The following DLGAP2 variants were observed in gnomAD, a reference collection of about 807,000 sequenced individuals.
DLGAP2 encodes the protein disks large-associated protein 2.
A neutral mutation model predicts 100.3 loss-of-function variants in DLGAP2; 26 were observed. The observed-to-expected ratio is 0.26, with a 90% CI of 0.19 to 0.36. DLGAP2 has a LOEUF of 0.36. Ranked by LOEUF, DLGAP2 falls within the 10% of genes least tolerant of loss-of-function variation. The probability of loss-of-function intolerance (pLI) is 1.00; values close to 1 mark genes in which losing one functional copy is unlikely to be tolerated. For synonymous variants in DLGAP2, 886 were observed against 630.1 expected, an observed-to-expected ratio of 1.41 and a Z score of -6.08; for missense variants, 1,858 against 1,453.2, an observed-to-expected ratio of 1.28 and a Z score of -4.53.
intron 2 of DLGAP2, among the ~76,000 whole-genome samples, chr8:1,185,889 C>G (rs990132462): frequency 2.0e-5 from 3 of 152,162 alleles, no homozygotes; most frequent in African/African-American, 4.8e-5. Context: ...AGAGAACACT[C>G]CGGAACTGAG....
At chr8:1,484,164 C>T (rs1799180462) in intron 3 of DLGAP2, among the ~76,000 whole-genome samples, 1 of 152,182 alleles carries the variant, frequency 6.6e-6, no homozygotes. Context: ...CTCCAGGTGC[C>T]AAGGCCACAG....
chr8:1,198,197 G>C (rs1423645558), intron 2 of DLGAP2, among the ~76,000 whole-genome samples: 1 of 152,084 alleles, frequency 6.6e-6, no homozygotes, highest in Non-Finnish European at 1.5e-5. Context: ...CGGCGAAAAG[G>C]AGCAATTTCC....
chr8:1,269,666 A>G (rs1381230841), intron 3 of DLGAP2, among the ~76,000 whole-genome samples: 2 of 152,152 alleles, frequency 1.3e-5, no homozygotes, highest in African/African-American at 4.8e-5. Flanking sequence ...TGACCTTGGA[A>G]GGAAAACACC....
chr8:1,015,129 G>A (rs1466580248), intron 2 of DLGAP2, among the ~76,000 whole-genome samples: 2 of 15,552 alleles, frequency 1.3e-4, no homozygotes, highest in East Asian at 1.8e-3. Context: ...CAGGACAGAC[G>A]ATGCCTCCAC....
chr8:1,334,243 G>A (rs34523986), intron 3 of DLGAP2, among the ~76,000 whole-genome samples: 24,267 of 152,202 alleles, frequency 0.16, 2,016 homozygotes, highest in Admixed American at 0.19. Flanking sequence ...CACCTGAGCT[G>A]GTTAAGCTGA....
rs1798244147 is a variant in DLGAP2, at chr8:1,217,880, T to C, written c.74-40971T>C. ...AGTGATGTTTAGGATTTTTAAAATA[T>C]GCTTGTTGCTTGCATGTATGTCTTC... On this transcript the variant is annotated intron_variant, in intron 2 of 14. Transcript: ENST00000637795. Among the ~76,000 whole-genome samples, 3 of 152,222 alleles carry C rather than the reference T, an allele frequency of 2.0e-5. No individual in the cohort carries two copies. In the South Asian group the frequency reaches 6.2e-4, roughly 31 times the overall value.
At chr8:1,277,176 A>G (rs1799715010) in intron 3 of DLGAP2, among the ~76,000 whole-genome samples, 1 of 152,212 alleles carries the variant, frequency 6.6e-6, no homozygotes, top group South Asian at 2.1e-4. Context: ...ATAGTGTTTC[A>G]TTCAAAGTGT....
At chr8:1,473,323 T>A (rs1798850054) in intron 3 of DLGAP2, among the ~76,000 whole-genome samples, 1 of 152,138 alleles carries the variant, frequency 6.6e-6, no homozygotes, top group Non-Finnish European at 1.5e-5. Context: ...AGAAGAAGGT[T>A]CCTCCGCCCA....
rs1799573396 is a variant in DLGAP2, at chr8:1,701,587, G to T, written c.*181G>T. On this transcript the variant is annotated 3_prime_UTR_variant, in exon 15 of 15. Transcript: ENST00000637795. ...CCTCAGAGTCCACGGAGCTCGCGGCGAGGACGACTTCTGCTTTTGTTGTTG... is the reference window on the plus strand; with the variant it reads ...CCTCAGAGTCCACGGAGCTCGCGGCTAGGACGACTTCTGCTTTTGTTGTTG... 1.5e-6 allele frequency: 1 copy of T among 650,330 alleles called. No individual in the cohort carries two copies. Among genetic ancestry groups the T allele is most frequent in the Non-Finnish European group, 2.6e-6 (1 of 389,574 alleles). 40.3% of individuals were successfully genotyped at this position (650,330 alleles called of 1,614,324 possible). A position where few individuals can be genotyped will look rare whatever the true frequency, so the allele number is the denominator to read the frequency against.
At chr8:879,003 T>G (rs1296603736) in intron 1 of DLGAP2, among the ~76,000 whole-genome samples, 1 of 152,258 alleles carries the variant, frequency 6.6e-6, no homozygotes, top group East Asian at 1.9e-4. Flanking sequence ...TACTCTGGTC[T>G]GGGCTCAATG....
chr8:1,085,700 G>A (rs1013588528), intron 2 of DLGAP2, among the ~76,000 whole-genome samples: 1 of 152,170 alleles, frequency 6.6e-6, no homozygotes, highest in African/African-American at 2.4e-5. Context: ...ATCAGGCAAT[G>A]TGATTCCTCT....
intron 2 of DLGAP2, among the ~76,000 whole-genome samples, chr8:1,040,413 T>C (rs1470777557): frequency 2.0e-5 from 3 of 149,436 alleles, no homozygotes; most frequent in Non-Finnish European, 4.4e-5. Flanking sequence ...GTCGGCTCGG[T>C]GTGCGTGGTC....
At chr8:1,262,100 T>G (rs1799362734) in intron 3 of DLGAP2, among the ~76,000 whole-genome samples, 1 of 152,190 alleles carries the variant, frequency 6.6e-6, no homozygotes, top group South Asian at 2.1e-4. Context: ...GAGAGCTACT[T>G]CTTTGGATAC....
rs914977422 is a variant in DLGAP2 at position 907,311 on chromosome 8, G to C, written c.19-601G>C. Among the ~76,000 whole-genome samples, 4 of 152,182 alleles carry C rather than the reference G, an allele frequency of 2.6e-5. No homozygotes were observed. In the South Asian group the frequency reaches 8.3e-4, roughly 32 times the overall value. On this transcript the variant is annotated intron_variant, in intron 1 of 14. Transcript: ENST00000637795. Reference sequence around the variant, plus strand: ...GACATCTCTTCAGCTGCACGTTACCGGAGTGTGTGCTTTGCAATTTGTTTT... The same window carrying C: ...GACATCTCTTCAGCTGCACGTTACCCGAGTGTGTGCTTTGCAATTTGTTTT...
intron 2 of DLGAP2, among the ~76,000 whole-genome samples, chr8:1,123,592 A>T (rs2129047968): frequency 6.6e-6 from 1 of 152,348 alleles, no homozygotes; most frequent in South Asian, 2.1e-4. Context: ...TATAAACCTG[A>T]GAAGGCCATT....
chr8:1,610,699 A>G (rs2130730915), intron 6 of DLGAP2, among the ~76,000 whole-genome samples: 1 of 139,942 alleles, frequency 7.1e-6, no homozygotes, highest in East Asian at 2.0e-4. Context: ...AAAAATGATA[A>G]AGGGGATATC....
At chr8:847,857 G>A (rs1797099744) in intron 1 of DLGAP2, among the ~76,000 whole-genome samples, 1 of 152,062 alleles carries the variant, frequency 6.6e-6, no homozygotes, top group Non-Finnish European at 1.5e-5. Flanking sequence ...TTCTGCTCCT[G>A]TCTTTATTAT....
chr8:1,501,327 G>A (rs1799714029), intron 3 of DLGAP2, 39 bp from the exon 4 acceptor site: 1 of 1,535,036 alleles, frequency 6.5e-7, no homozygotes, highest in African/African-American at 1.4e-5. Context: ...GTCTACACCA[G>A]AAACGCATTA....
rs1319010480 is a variant in DLGAP2 at position 1,651,396 on chromosome 8, C to G, written c.1811-16933C>G. On this transcript the variant is annotated intron_variant, in intron 8 of 14. Transcript: ENST00000637795. Reference sequence around the variant, plus strand: ...CGAGGTTCCTGCAGAGAGCAGCTCTCTGCTGTGGCACCAGCTGCTGGTGAG... The same window carrying G: ...CGAGGTTCCTGCAGAGAGCAGCTCTGTGCTGTGGCACCAGCTGCTGGTGAG... 2.0e-5 allele frequency among the ~76,000 whole-genome samples: 3 copies of G among 152,328 alleles called. No homozygotes were observed. In the South Asian group the frequency reaches 6.2e-4, roughly 32 times the overall value.
Sources: allele counts gnomAD v4.1 joint callset (sites outside exome capture counted in the v4.1 genomes callset), GRCh38; gene constraint gnomAD v4.1.1; transcripts MANE v1.5; gene names NCBI Gene and HGNC (gene_info 2026-07-23, HGNC 2026-07-21).